The following MOV10L1 variants were observed in gnomAD, a reference collection of about 807,000 sequenced individuals.
The protein encoded by MOV10L1 is RNA helicase Mov10l1.
MOV10L1 carries 110 observed loss-of-function variants against 143.8 expected under a neutral mutation model. That is an observed-to-expected ratio of 0.76 (90% CI 0.66 to 0.90). The LOEUF is 0.90. MOV10L1 is among the 40% of genes least tolerant of loss of function. The probability of loss-of-function intolerance (pLI) is 0.00; values close to 1 mark genes in which losing one functional copy is unlikely to be tolerated. For synonymous variants in MOV10L1, 593 were observed against 581.1 expected, an observed-to-expected ratio of 1.02 and a Z score of -0.29; for missense variants, 1,406 against 1,526.8, an observed-to-expected ratio of 0.92 and a Z score of 1.32.
chr22:50,120,262 A>G (rs1210659879), intron 9 of MOV10L1, among the ~76,000 whole-genome samples: 3 of 152,166 alleles, frequency 2.0e-5, no homozygotes, highest in African/African-American at 4.8e-5. Flanking sequence ...CAGCCTGTGC[A>G]GCTACACTTA....
chr22:50,151,937 C>A (rs2063309622), intron 21 of MOV10L1, among the ~76,000 whole-genome samples: 1 of 152,244 alleles, frequency 6.6e-6, no homozygotes, highest in African/African-American at 2.4e-5. Context: ...GCCACAGTGA[C>A]CCCAGGAGGC....
chr22:50,105,478 T>A (rs1457622902), intron 3 of MOV10L1, among the ~76,000 whole-genome samples: 1 of 152,250 alleles, frequency 6.6e-6, no homozygotes, highest in African/African-American at 2.4e-5. Flanking sequence ...TGAGCATTCA[T>A]CTGTGGACTC....
At chr22:50,109,220 C>G (rs764135396) in intron 5 of MOV10L1, among the ~76,000 whole-genome samples, 1 of 152,002 alleles carries the variant, frequency 6.6e-6, no homozygotes, top group Admixed American at 6.6e-5. Flanking sequence ...CTTTAATAAG[C>G]CAAATAGTAG....
chr22:50,139,596 C>T (rs2062925243), intron 15 of MOV10L1, among the ~76,000 whole-genome samples: 1 of 151,552 alleles, frequency 6.6e-6, no homozygotes. Flanking sequence ...TGAAAAGTGA[C>T]AGACTAGAGA....
intron 22 of MOV10L1, among the ~76,000 whole-genome samples, 154 bp downstream of exon 22, chr22:50,153,372 C>T (rs1569048224): frequency 6.6e-6 from 1 of 152,184 alleles, no homozygotes. Flanking sequence ...GGCTTGTGCC[C>T]CCCAAGATGG....
At chr22:50,110,883 A>G (rs2062006097) in intron 5 of MOV10L1, among the ~76,000 whole-genome samples, 1 of 152,074 alleles carries the variant, frequency 6.6e-6, no homozygotes. Flanking sequence ...GTGAGCAGAG[A>G]TCACGCCACT....
intron 2 of MOV10L1, among the ~76,000 whole-genome samples, chr22:50,096,774 A>G (rs1438587714): frequency 6.6e-6 from 1 of 152,004 alleles, no homozygotes; most frequent in Non-Finnish European, 1.5e-5. Flanking sequence ...GGCCATCTAT[A>G]TATCTTCTTT....
intron 3 of MOV10L1, among the ~76,000 whole-genome samples, chr22:50,103,596 A>G (rs2061799371): frequency 6.6e-6 from 1 of 152,162 alleles, no homozygotes; most frequent in African/African-American, 2.4e-5. Flanking sequence ...GGTAGGATCC[A>G]CTGGCCTGAA....
intron 1 of MOV10L1, 187 bp downstream of exon 1, chr22:50,090,372 C>G: frequency 6.5e-7 from 1 of 1,535,982 alleles, no homozygotes; most frequent in Non-Finnish European, 8.8e-7. Flanking sequence ...AGCATCCCGC[C>G]GCTCTGGGCG....
intron 3 of MOV10L1, among the ~76,000 whole-genome samples, chr22:50,100,943 G>A (rs2147057466): frequency 6.6e-6 from 1 of 152,346 alleles, no homozygotes; most frequent in South Asian, 2.1e-4. Context: ...CTATGGTGGT[G>A]AAGACGGAGC....
intron 24 of MOV10L1, among the ~76,000 whole-genome samples, chr22:50,160,188 C>A (rs1481206027): frequency 6.6e-6 from 1 of 151,850 alleles, no homozygotes; most frequent in Non-Finnish European, 1.5e-5. Context: ...AGACCCACCC[C>A]TTTCTGCTGC....
At position 50,144,774 on chromosome 22, in the gene MOV10L1, A is replaced by G. The variant is rs377243053; in HGVS notation, c.2505+531A>G. 1.6e-3 allele frequency among the ~76,000 whole-genome samples: 237 copies of G among 151,408 alleles called. 1 individual carries two copies. Among genetic ancestry groups the G allele is most frequent in the East Asian group, 8.4e-3 (43 of 5,090 alleles). ...TTTTTTGTATTTTTAGTAGAGACGG[A>G]GTTTCACCGTGTTAGCCAGGATGGT... On this transcript the variant is annotated intron_variant, in intron 18 of 26. Coordinates refer to ENST00000262794, the MANE Select transcript of MOV10L1 (RefSeq NM_018995.3).
intron 19 of MOV10L1, among the ~76,000 whole-genome samples, chr22:50,148,074 A>G (rs1226657769): frequency 6.6e-6 from 1 of 152,228 alleles, no homozygotes; most frequent in African/African-American, 2.4e-5. Flanking sequence ...CCCAGCATCT[A>G]GGGTTGGAGA....
Position 50,159,634 on chromosome 22 carries a change from T to G in MOV10L1, c.3217-44T>G. 1 of 1,266,662 alleles carries G rather than the reference T, an allele frequency of 7.9e-7. No individual in the cohort carries two copies. Among genetic ancestry groups the G allele is most frequent in the South Asian group, 1.3e-5 (1 of 76,082 alleles). The allele number at this position is 1,266,662 out of a possible 1,614,324, so 78.5% of individuals were successfully genotyped here. On this transcript the variant is annotated intron_variant, in intron 23 of 26. Transcript: ENST00000262794. The surrounding 1 kb of genome is among the most constrained non-coding windows in gnomAD (Gnocchi z 4.1). ...AAAAAGGAAAAGAAAAGAAATGGATTTGTACAGTGTTATCTTTAGTCTTTC... is the reference window on the plus strand; with the variant it reads ...AAAAAGGAAAAGAAAAGAAATGGATGTGTACAGTGTTATCTTTAGTCTTTC...
In MOV10L1 at chr22:50,105,547, C is replaced by T. The variant is rs140671917; in HGVS notation, c.443-2589C>T. On this transcript the variant is annotated intron_variant, in intron 3 of 26. Coordinates refer to ENST00000262794, the MANE Select transcript of MOV10L1 (RefSeq NM_018995.3). ...ATTGTTTTTCCATGTTCCTGCTCATCAGCTTTATTTTCAATAACTACAATT... is the reference window on the plus strand; with the variant it reads ...ATTGTTTTTCCATGTTCCTGCTCATTAGCTTTATTTTCAATAACTACAATT... Among the ~76,000 whole-genome samples the T allele has an allele frequency of 3.9e-5, 6 of 152,314 alleles. No individual in the cohort carries two copies. In the East Asian group the frequency reaches 9.6e-4, roughly 24 times the overall value.
intron 10 of MOV10L1, among the ~76,000 whole-genome samples, chr22:50,121,114 G>A (rs2062329467): frequency 6.6e-6 from 1 of 152,188 alleles, no homozygotes; most frequent in South Asian, 2.1e-4. Flanking sequence ...AAATTTGGCA[G>A]TTTGAGGGGA....
chr22:50,136,549 A>G (rs2062827750), intron 15 of MOV10L1, among the ~76,000 whole-genome samples: 1 of 152,236 alleles, frequency 6.6e-6, no homozygotes, highest in Admixed American at 6.5e-5. Flanking sequence ...GAAACAAATG[A>G]GGTGACCTCA....
chr22:50,153,754 G>A (rs79250573), intron 22 of MOV10L1, among the ~76,000 whole-genome samples: 7,039 of 152,336 alleles, frequency 0.046, 235 homozygotes, highest in Non-Finnish European at 0.072. Context: ...GAGTGACCAA[G>A]CAAAATTACA....
intron 24 of MOV10L1, among the ~76,000 whole-genome samples, chr22:50,160,137 G>A (rs375835679): frequency 1.0e-3 from 155 of 152,034 alleles, no homozygotes; most frequent in African/African-American, 3.4e-3. Flanking sequence ...CCAGACAGCC[G>A]CAAGCGTGAG....
Sources: gnomAD v4.1 joint callset for allele counts (sites outside exome capture counted in the v4.1 genomes callset) on GRCh38, gnomAD v4.1.1 for gene constraint, Gnocchi (gnomAD v3.1) non-coding constraint, MANE v1.5 for transcripts, NCBI Gene and HGNC (gene_info 2026-07-23, HGNC 2026-07-21) for gene names.